Variants in PCDH7 observed in about 807,000 individuals in gnomAD.
PCDH7 encodes protocadherin-7.
A neutral mutation model predicts 58.9 loss-of-function variants in PCDH7; 17 were observed. The observed-to-expected ratio is 0.29, with a 90% CI of 0.20 to 0.43. The LOEUF is 0.43. PCDH7 is among the 20% of genes least tolerant of loss of function. PCDH7 has a pLI of 1.00. For missense variants in PCDH7, 1,274 were observed against 1,441.0 expected (o/e 0.88, Z 1.88); for synonymous variants, 664 against 616.4 (o/e 1.08, Z -1.14).
At chr4:30,975,085 G>A (rs1273343318) in intron 3 of PCDH7, among the ~76,000 whole-genome samples, 1 of 151,762 alleles carries the variant, frequency 6.6e-6, no homozygotes, top group African/African-American at 2.4e-5. Context: ...CCCTGAGGAG[G>A]AGAGAGACAA....
At chr4:31,111,485 T>G (rs1440147026) in intron 3 of PCDH7, among the ~76,000 whole-genome samples, 1 of 152,068 alleles carries the variant, frequency 6.6e-6, no homozygotes, top group African/African-American at 2.4e-5. Context: ...ATTTTTTGTA[T>G]TTTTAGTAGA....
At chr4:31,094,090 T>A (rs972262258) in intron 3 of PCDH7, among the ~76,000 whole-genome samples, 6 of 152,100 alleles carry the variant, frequency 3.9e-5, no homozygotes, top group Admixed American at 2.0e-4. Context: ...ATCATAACAC[T>A]TGCCTCTTTG....
chr4:30,739,398 C>T (rs145039169), intron 1 of PCDH7, among the ~76,000 whole-genome samples: 1,948 of 151,612 alleles, frequency 0.013, 32 homozygotes, highest in African/African-American at 0.045. Context: ...TTAACAGTTC[C>T]CTTGTTGAGG....
intron 1 of PCDH7, among the ~76,000 whole-genome samples, chr4:30,767,444 C>T (rs1037430891): frequency 6.6e-6 from 1 of 152,134 alleles, no homozygotes; most frequent in African/African-American, 2.4e-5. Flanking sequence ...GTAAACTTGC[C>T]TCTGAGAAAT....
intron 1 of PCDH7, among the ~76,000 whole-genome samples, chr4:30,856,694 A>G (rs1313494313): frequency 2.7e-4 from 6 of 21,970 alleles, no homozygotes; most frequent in African/African-American, 1.5e-3. Flanking sequence ...CTGATATCAG[A>G]AAAAAAAAAA....
intron 3 of PCDH7, among the ~76,000 whole-genome samples, chr4:31,086,813 G>C (rs1287016470): frequency 6.6e-6 from 1 of 152,058 alleles, no homozygotes; most frequent in Non-Finnish European, 1.5e-5. Flanking sequence ...AAAGCACAAG[G>C]AATAATACAT....
At chr4:31,000,636 T>C (rs186018374) in intron 3 of PCDH7, among the ~76,000 whole-genome samples, 8 of 152,196 alleles carry the variant, frequency 5.3e-5, no homozygotes, top group Admixed American at 4.6e-4. Context: ...TTCTTTATTA[T>C]CTTCTCTCTT....
At chr4:30,992,611 C>T (rs1751545748) in intron 3 of PCDH7, among the ~76,000 whole-genome samples, 1 of 151,868 alleles carries the variant, frequency 6.6e-6, no homozygotes, top group South Asian at 2.1e-4. Flanking sequence ...GAATAGACCT[C>T]GTAAATCATC....
intron 1 of PCDH7, among the ~76,000 whole-genome samples, chr4:30,819,826 A>T (rs1327210019): frequency 6.6e-6 from 1 of 152,018 alleles, no homozygotes; most frequent in Non-Finnish European, 1.5e-5. Flanking sequence ...TTGGGAGAGG[A>T]TGGGGGCAAA....
intron 3 of PCDH7, among the ~76,000 whole-genome samples, chr4:31,048,396 C>A (rs1472615949): frequency 6.6e-6 from 1 of 152,032 alleles, no homozygotes; most frequent in Non-Finnish European, 1.5e-5. Context: ...AAGATTACAT[C>A]CCACTAAGGC....
At chr4:30,931,584 T>A (rs1744604141) in intron 2 of PCDH7, among the ~76,000 whole-genome samples, 1 of 151,306 alleles carries the variant, frequency 6.6e-6, no homozygotes, top group African/African-American at 2.4e-5. Context: ...CAAAAAAATA[T>A]ATATATAAAT....
At chr4:30,891,207 T>C (rs1738562222) in intron 1 of PCDH7, among the ~76,000 whole-genome samples, 1 of 152,134 alleles carries the variant, frequency 6.6e-6, no homozygotes, top group Non-Finnish European at 1.5e-5. Context: ...TTTAATGGTA[T>C]AGTGAACAAT....
At chr4:30,968,332 T>TACACAC (rs1560541366) in intron 3 of PCDH7, among the ~76,000 whole-genome samples, 1 of 107,504 alleles carries the variant, frequency 9.3e-6, no homozygotes, top group African/African-American at 4.7e-5. Flanking sequence ...TATATATATA[T>TACACAC]ACACACACTA....
chr4:31,087,591 G>C (rs1010134245), intron 3 of PCDH7, among the ~76,000 whole-genome samples: 1 of 151,978 alleles, frequency 6.6e-6, no homozygotes, highest in Admixed American at 6.6e-5. Flanking sequence ...TAGAATGGTG[G>C]GCAGGAACAA....
At chr4:31,091,506 T>G (rs1289143820) in intron 3 of PCDH7, among the ~76,000 whole-genome samples, 1 of 151,878 alleles carries the variant, frequency 6.6e-6, no homozygotes, top group African/African-American at 2.4e-5. Context: ...TTGAATTACT[T>G]AAGTTATCCT....
chr4:31,118,934 C>T, intron 3 of PCDH7, among the ~76,000 whole-genome samples: 1 of 152,052 alleles, frequency 6.6e-6, no homozygotes, highest in East Asian at 1.9e-4. Flanking sequence ...GCTTACTCCT[C>T]TTTTTTAACC....
intron 2 of PCDH7, among the ~76,000 whole-genome samples, chr4:30,940,948 A>G (rs1745962479): frequency 6.6e-6 from 1 of 151,876 alleles, no homozygotes; most frequent in Non-Finnish European, 1.5e-5. Context: ...ATGAAATGAG[A>G]TATATGCTTT....
intron 1 of PCDH7, among the ~76,000 whole-genome samples, chr4:30,844,537 C>G (rs1229245090): frequency 6.6e-6 from 1 of 152,060 alleles, no homozygotes; most frequent in African/African-American, 2.4e-5. Context: ...TTTCAAGGAA[C>G]AGCTTCTATA....
intron 3 of PCDH7, among the ~76,000 whole-genome samples, chr4:30,986,439 A>C (rs1343220532): frequency 1.3e-5 from 2 of 152,256 alleles, no homozygotes; most frequent in East Asian, 1.9e-4. Context: ...CAAGGAAAAA[A>C]CCCACCTATT....
Sources: allele counts gnomAD v4.1 joint callset (sites outside exome capture counted in the v4.1 genomes callset), GRCh38; gene constraint gnomAD v4.1.1; transcripts MANE v1.5; gene names NCBI Gene and HGNC (gene_info 2026-07-23, HGNC 2026-07-21).